TMEM38B: variants seen among roughly 807,000 people sequenced by gnomAD.
TMEM38B encodes transmembrane protein 38B, also known as trimeric intracellular cation channel type B.
A neutral mutation model predicts 28.7 loss-of-function variants in TMEM38B; 24 were observed. The ratio of observed to expected loss-of-function variants is 0.84; its 90% CI spans 0.61 to 1.18. TMEM38B has a LOEUF of 1.18. Ranked by LOEUF, TMEM38B falls within the 50% of genes most tolerant of loss-of-function variation. The probability of loss-of-function intolerance (pLI) is 0.00; values close to 1 mark genes in which losing one functional copy is unlikely to be tolerated. For missense variants in TMEM38B, 380 were observed against 350.9 expected (o/e 1.08, Z -0.66); for synonymous variants, 131 against 127.7 (o/e 1.03, Z -0.17).
intron 1 of TMEM38B, among the ~76,000 whole-genome samples, chr9:105,699,728 A>T (rs1588380828): frequency 6.6e-6 from 1 of 151,932 alleles, no homozygotes; most frequent in East Asian, 1.9e-4. Context: ...AGTGGGATTA[A>T]TTTTTTCTTT....
intron 5 of TMEM38B, among the ~76,000 whole-genome samples, chr9:105,771,385 A>G (rs960767837): frequency 7.9e-5 from 12 of 152,208 alleles, no homozygotes; most frequent in Non-Finnish European, 1.5e-4. Flanking sequence ...GATGCCAGCA[A>G]TACTTCTCAA....
At chr9:105,737,256 A>G (rs1837018358) in intron 4 of TMEM38B, among the ~76,000 whole-genome samples, 1 of 152,130 alleles carries the variant, frequency 6.6e-6, no homozygotes, top group Non-Finnish European at 1.5e-5. Context: ...GCAGGGATGT[A>G]GCTGTGACTC....
chr9:105,759,196 T>G, intron 5 of TMEM38B: 1 of 733,278 alleles, frequency 1.4e-6, no homozygotes. Flanking sequence ...GAACCTCTCC[T>G]TACTTTTGAA....
chr9:105,757,815 A>C (rs1373395982), intron 5 of TMEM38B, among the ~76,000 whole-genome samples: 1 of 152,236 alleles, frequency 6.6e-6, no homozygotes, highest in East Asian at 1.9e-4. Flanking sequence ...TAATCAATTG[A>C]GGTGAATAAA....
intron 5 of TMEM38B, among the ~76,000 whole-genome samples, chr9:105,763,627 T>G (rs1382140957): frequency 6.6e-6 from 1 of 152,160 alleles, no homozygotes; most frequent in Non-Finnish European, 1.5e-5. Context: ...ACCAGACAGA[T>G]TCACAGCCGA....
chr9:105,753,155 G>GA (rs979517393), intron 5 of TMEM38B, among the ~76,000 whole-genome samples: 35 of 152,280 alleles, frequency 2.3e-4, no homozygotes, highest in African/African-American at 7.7e-4. Flanking sequence ...AAATCTCTGA[G>GA]AAATAGGGGA....
intron 4 of TMEM38B, among the ~76,000 whole-genome samples, chr9:105,733,525 G>A (rs557895479): frequency 3.3e-5 from 5 of 151,434 alleles, no homozygotes; most frequent in Non-Finnish European, 7.4e-5. Flanking sequence ...TTCCTTGGAA[G>A]AGTTTAAGAA....
chr9:105,760,021 A>G (rs1588467316), intron 5 of TMEM38B: 6 of 1,420,512 alleles, frequency 4.2e-6, no homozygotes, highest in African/African-American at 2.9e-5. Context: ...CAAAAGTTCA[A>G]TAGAATTTTC....
chr9:105,773,330 A>C (rs1826620177), intron 5 of TMEM38B, among the ~76,000 whole-genome samples: 1 of 152,162 alleles, frequency 6.6e-6, no homozygotes, highest in South Asian at 2.1e-4. Flanking sequence ...AGTCACTAAA[A>C]GTCTGTGACT....
chr9:105,749,123 T>G (rs772371716), intron 5 of TMEM38B: 11 of 1,302,542 alleles, frequency 8.4e-6, no homozygotes, highest in Non-Finnish European at 1.1e-5. Flanking sequence ...TAACAAATAT[T>G]GGAGGCAAAA....
intron 4 of TMEM38B, among the ~76,000 whole-genome samples, chr9:105,731,413 G>C (rs180727202): frequency 6.6e-6 from 1 of 151,802 alleles, no homozygotes; most frequent in Non-Finnish European, 1.5e-5. Flanking sequence ...CCATTAACTC[G>C]TCATTTATAT....
chr9:105,727,976 G>C (rs2133586166), intron 4 of TMEM38B, among the ~76,000 whole-genome samples: 1 of 152,172 alleles, frequency 6.6e-6, no homozygotes, highest in Admixed American at 6.5e-5. Flanking sequence ...TAAGTTTCCT[G>C]AGGCTCTCAC....
At chr9:105,733,477 C>T (rs2133595609) in intron 4 of TMEM38B, among the ~76,000 whole-genome samples, 1 of 147,280 alleles carries the variant, frequency 6.8e-6, no homozygotes, top group African/African-American at 2.6e-5. Flanking sequence ...TGATGATGGC[C>T]TCTGAAAGTG....
At chr9:105,713,932 T>C (rs978529873) in intron 2 of TMEM38B, among the ~76,000 whole-genome samples, 30 of 152,212 alleles carry the variant, frequency 2.0e-4, no homozygotes, top group Admixed American at 1.6e-3. Context: ...CCACCTCTGC[T>C]GAGAGCTGTA....
At chr9:105,709,074 A>G (rs192679488) in intron 2 of TMEM38B, among the ~76,000 whole-genome samples, 1 of 152,252 alleles carries the variant, frequency 6.6e-6, no homozygotes, top group African/African-American at 2.4e-5. Flanking sequence ...TAAATCACTA[A>G]AAAGTAAAAT....
chr9:105,706,048 C>T (rs568797248), intron 2 of TMEM38B, among the ~76,000 whole-genome samples: 5 of 151,926 alleles, frequency 3.3e-5, no homozygotes, highest in African/African-American at 1.2e-4. Context: ...TTACAGCACC[C>T]GCCCTCACGC....
At chr9:105,771,351 G>A (rs1246269427) in intron 5 of TMEM38B, among the ~76,000 whole-genome samples, 1 of 152,174 alleles carries the variant, frequency 6.6e-6, no homozygotes, top group Admixed American at 6.5e-5. Flanking sequence ...TGAACTTCAT[G>A]TGTCTATCTC....
Position 105,774,169 on chromosome 9 carries a change from A to T in TMEM38B, c.*89A>T. On this transcript the variant is annotated 3_prime_UTR_variant, in exon 6 of 6. Transcript: ENST00000374692. ...AATTTTTCTATGTATGTGATGTGAA[A>T]TGAAGACTATATATATGGAATGGAG... 1 of 1,053,400 alleles carries T rather than the reference A, an allele frequency of 9.5e-7. No homozygotes were observed. Among genetic ancestry groups the T allele is most frequent in the Non-Finnish European group, 1.4e-6 (1 of 719,734 alleles). 65.3% of individuals were successfully genotyped at this position (1,053,400 alleles called of 1,614,324 possible).
At chr9:105,702,556 G>A (rs1835496236) in intron 1 of TMEM38B, among the ~76,000 whole-genome samples, 1 of 152,174 alleles carries the variant, frequency 6.6e-6, no homozygotes, top group African/African-American at 2.4e-5. Flanking sequence ...ATTAAGCGTA[G>A]TCTAATGATT....
Sources: gnomAD v4.1 joint callset for allele counts (sites outside exome capture counted in the v4.1 genomes callset) on GRCh38, gnomAD v4.1.1 for gene constraint, MANE v1.5 for transcripts, NCBI Gene and HGNC (gene_info 2026-07-23, HGNC 2026-07-21) for gene names.